Variants in PRKCE observed in about 807,000 individuals in gnomAD.
The protein encoded by PRKCE is protein kinase C epsilon.
Under a neutral mutation model 85.4 loss-of-function variants are expected in PRKCE, and 16 were observed. That is an observed-to-expected ratio of 0.19 (90% confidence interval 0.13 to 0.28). The LOEUF is 0.28. Ranked by LOEUF, PRKCE falls within the 10% of genes least tolerant of loss-of-function variation. The pLI, the probability that PRKCE is intolerant of heterozygous loss-of-function variation, is 1.00. For synonymous variants in PRKCE, 388 were observed against 371.5 expected (o/e 1.04, Z -0.51); for missense variants, 573 against 975.2 (o/e 0.59, Z 5.49).
At chr2:46,171,940 A>G (rs1678943529) in intron 14 of PRKCE, among the ~76,000 whole-genome samples, 1 of 152,244 alleles carries the variant, frequency 6.6e-6, no homozygotes, top group Admixed American at 6.5e-5. Context: ...GTCAAGGTAT[A>G]TATAGGAGGG....
intron 2 of PRKCE, among the ~76,000 whole-genome samples, chr2:45,850,971 A>G (rs188009787): frequency 6.6e-6 from 1 of 152,332 alleles, no homozygotes; most frequent in Non-Finnish European, 1.5e-5. Context: ...AGAAGGAGGC[A>G]AGCAATAGAC....
At chr2:45,953,397 C>T (rs1046489750) in intron 2 of PRKCE, among the ~76,000 whole-genome samples, 3 of 152,194 alleles carry the variant, frequency 2.0e-5, no homozygotes, top group Non-Finnish European at 4.4e-5. Flanking sequence ...TTTTCATACG[C>T]TTTTCAATTT....
At chr2:45,975,208 A>G (rs1326046368) in intron 2 of PRKCE, among the ~76,000 whole-genome samples, 5 of 152,200 alleles carry the variant, frequency 3.3e-5, no homozygotes, top group Admixed American at 3.3e-4. Context: ...TCGAGGGTTC[A>G]TTGAGATGTA....
chr2:46,012,673 T>G (rs1344843845), intron 10 of PRKCE, among the ~76,000 whole-genome samples: 1 of 152,220 alleles, frequency 6.6e-6, no homozygotes, highest in African/African-American at 2.4e-5. Flanking sequence ...GAGGGCTCTA[T>G]GGAGCCCCTG....
At position 45,785,179 on chromosome 2, in the gene PRKCE, T is replaced by G. The variant is rs1305857930; in HGVS notation, c.349-57821T>G. 2.0e-5 allele frequency among the ~76,000 whole-genome samples: 3 copies of G among 152,204 alleles called. No homozygotes were observed. The East Asian group carries it at 5.8e-4, about 29-fold the overall frequency. ...TTAAGTTGTATTATAGCATTTTTCT[T>G]TTAAAAGAAAATTATTTAAGAAAAA... On this transcript the variant is annotated intron_variant, in intron 1 of 14. Coordinates refer to ENST00000306156, the MANE Select transcript of PRKCE (RefSeq NM_005400.3).
intron 1 of PRKCE, among the ~76,000 whole-genome samples, chr2:45,822,173 A>G (rs1425678211): frequency 1.3e-5 from 2 of 152,222 alleles, no homozygotes; most frequent in African/African-American, 2.4e-5. Flanking sequence ...GTAGATATCA[A>G]ATTTGTGTGT....
At chr2:45,937,356 T>C (rs1699537114) in intron 2 of PRKCE, among the ~76,000 whole-genome samples, 2 of 152,184 alleles carry the variant, frequency 1.3e-5, no homozygotes, top group African/African-American at 4.8e-5. Context: ...TGAGCCACGA[T>C]GTTATGGGAT....
intron 1 of PRKCE, among the ~76,000 whole-genome samples, chr2:45,717,709 T>G (rs1680257259): frequency 6.6e-6 from 1 of 152,220 alleles, no homozygotes; most frequent in African/African-American, 2.4e-5. Context: ...CTTCTGCCCC[T>G]GTTTTGGGGA....
chr2:45,781,643 G>T (rs549838915), intron 1 of PRKCE, among the ~76,000 whole-genome samples: 11 of 151,476 alleles, frequency 7.3e-5, no homozygotes, highest in Non-Finnish European at 1.0e-4. Flanking sequence ...ACCCGCGCCC[G>T]CCCCCCGGCC....
intron 11 of PRKCE, among the ~76,000 whole-genome samples, chr2:46,120,368 G>A (rs1001679055): frequency 2.0e-5 from 3 of 152,132 alleles, no homozygotes; most frequent in African/African-American, 7.2e-5. Context: ...GTGGGTAGAG[G>A]CCAAGGATAC....
At position 45,786,111 on chromosome 2, in the gene PRKCE, C is replaced by T. The variant is rs540851497; in HGVS notation, c.349-56889C>T. On this transcript the variant is annotated intron_variant, in intron 1 of 14. Transcript: ENST00000306156. The surrounding 1 kb of genome is among the most constrained non-coding windows in gnomAD (Gnocchi z 5.3). Reference sequence around the variant, plus strand: ...AGGGACCTATGGCCTTCCATAGGCACCTGCTGGGGATCTTTATTTGAAATG... The same window carrying T: ...AGGGACCTATGGCCTTCCATAGGCATCTGCTGGGGATCTTTATTTGAAATG... 2.6e-5 allele frequency among the ~76,000 whole-genome samples: 4 copies of T among 152,276 alleles called. No homozygotes were observed. Among genetic ancestry groups the T allele is most frequent in the African/African-American group, 9.6e-5 (4 of 41,552 alleles).
intron 2 of PRKCE, among the ~76,000 whole-genome samples, chr2:45,866,552 C>A (rs1054187502): frequency 6.6e-6 from 1 of 151,936 alleles, no homozygotes; most frequent in African/African-American, 2.4e-5. Flanking sequence ...CGTGATCCAC[C>A]CGCCTTGGCC....
At chr2:45,983,642 C>T (rs1049262207) in intron 5 of PRKCE, among the ~76,000 whole-genome samples, 1 of 152,168 alleles carries the variant, frequency 6.6e-6, no homozygotes, top group African/African-American at 2.4e-5. Flanking sequence ...GCCTTCATTT[C>T]CTCATCTGTG....
chr2:46,032,435 G>A (rs1276169689), intron 10 of PRKCE, among the ~76,000 whole-genome samples: 1 of 152,208 alleles, frequency 6.6e-6, no homozygotes, highest in East Asian at 1.9e-4. Context: ...CTTAAAATGG[G>A]CACGGGTTTG....
intron 14 of PRKCE, among the ~76,000 whole-genome samples, chr2:46,162,649 G>A (rs530991901): frequency 5.3e-5 from 8 of 152,310 alleles, no homozygotes; most frequent in East Asian, 3.9e-4. Context: ...GAAAGCTGAC[G>A]TTGTGTAAGA....
At chr2:45,663,460 T>C (rs1675768069) in intron 1 of PRKCE, among the ~76,000 whole-genome samples, 1 of 152,086 alleles carries the variant, frequency 6.6e-6, no homozygotes, top group Admixed American at 6.6e-5. Flanking sequence ...GGGATCTAAA[T>C]AGACAGGGAA....
chr2:45,974,825 CA>C (rs1702337770), intron 2 of PRKCE, among the ~76,000 whole-genome samples: 1 of 152,176 alleles, frequency 6.6e-6, no homozygotes, highest in South Asian at 2.1e-4. Context: ...TTTGGGGGCA[CA>C]GAGCCTTCCA....
chr2:45,890,365 T>C (rs945912993), intron 2 of PRKCE, among the ~76,000 whole-genome samples: 2 of 152,096 alleles, frequency 1.3e-5, no homozygotes, highest in Non-Finnish European at 2.9e-5. Flanking sequence ...TTCCTTCTGT[T>C]TCTCAGTATC....
Position 45,652,021 on chromosome 2 carries a change from C to T in PRKCE, c.-80C>T, listed in dbSNP as rs1027663004. 3.5e-6 allele frequency: 4 copies of T among 1,140,330 alleles called. No homozygotes were observed. Among genetic ancestry groups the T allele is most frequent in the Non-Finnish European group, 1.3e-6 (1 of 796,160 alleles). The allele number at this position is 1,140,330 out of a possible 1,614,324, so 70.6% of individuals were successfully genotyped here. ...AGGGGACCCAAGAGTCCCTGTGGCT[C>T]GGAGTGCCGGGCCGTCGGTTCTTCA... On this transcript the variant is annotated 5_prime_UTR_variant, in exon 1 of 15. Coordinates refer to ENST00000306156, the MANE Select transcript of PRKCE (RefSeq NM_005400.3). This position sits in a 1 kb window ranked among gnomAD's most constrained non-coding sequence, Gnocchi z 7.7.
Sources: gnomAD v4.1 joint callset for allele counts (sites outside exome capture counted in the v4.1 genomes callset) on GRCh38, gnomAD v4.1.1 for gene constraint, Gnocchi (gnomAD v3.1) non-coding constraint, MANE v1.5 for transcripts, NCBI Gene and HGNC (gene_info 2026-07-23, HGNC 2026-07-21) for gene names.